The following DMD variants were observed in gnomAD, a reference collection of about 807,000 sequenced individuals.
DMD encodes the protein mutant dystrophin.
Under a neutral mutation model 330.1 loss-of-function variants are expected in DMD, and 63 were observed. That is an observed-to-expected ratio of 0.19 (90% CI 0.16 to 0.24). The LOEUF (loss-of-function observed/expected upper bound fraction) is 0.24, where lower values mean the gene tolerates loss of function less well. DMD is among the 10% of genes least tolerant of loss of function. The pLI is 1.00. For missense variants in DMD, 3,344 were observed against 2,684.1 expected (o/e 1.25, Z -5.43); for synonymous variants, 1,223 against 959.8 (o/e 1.27, Z -5.07).
intron 1 of DMD, among the ~76,000 whole-genome samples, chrX:33,276,157 C>A (rs945860669): frequency 1.8e-5 from 2 of 111,354 alleles, no homozygotes; most frequent in Non-Finnish European, 3.8e-5. Flanking sequence ...TCAAATGGAC[C>A]ACTGCTAGTT....
intron 63 of DMD, among the ~76,000 whole-genome samples, chrX:31,238,459 CA>C (rs2047943717): frequency 9.0e-6 from 1 of 111,685 alleles, no homozygotes; most frequent in South Asian, 3.8e-4. Flanking sequence ...CCTGTAGAGC[CA>C]AAGAGAAAAA....
rs72470529 is a variant in DMD at position 32,823,253 on chromosome X, A to G, written c.357+42T>C. The G allele has an allele frequency of 3.8e-3, 4,108 of 1,077,531 alleles. 8 individuals carry two copies. Among genetic ancestry groups the G allele is most frequent in the Non-Finnish European group, 4.9e-3 (3,781 of 775,179 alleles). The allele number at this position is 1,077,531 out of a possible 1,213,427, so 88.8% of individuals were successfully genotyped here. A position where few individuals can be genotyped will look rare whatever the true frequency, so the allele number is the denominator to read the frequency against. On this transcript the variant is annotated intron_variant, in intron 5 of 78. Transcript: ENST00000357033. ...TCAAGGGTAAAAATTAAAAAACAAG[A>G]TTAATGTTACCCAAAAGGAAACCAT...
intron 7 of DMD, among the ~76,000 whole-genome samples, chrX:32,800,561 A>G (rs1272081712): frequency 9.0e-6 from 1 of 111,473 alleles, no homozygotes; most frequent in African/African-American, 3.3e-5. Context: ...ACTTTAAGAA[A>G]CTTTTTATTA....
intron 7 of DMD, among the ~76,000 whole-genome samples, chrX:32,763,475 T>C (rs1400801126): frequency 8.9e-6 from 1 of 112,022 alleles, no homozygotes; most frequent in Non-Finnish European, 1.9e-5. Flanking sequence ...TGCTTTAGTG[T>C]ATTCATATGT....
At chrX:32,361,412 G>T (rs997664333) in intron 37 of DMD, among the ~76,000 whole-genome samples, 2 of 111,520 alleles carry the variant, frequency 1.8e-5, no homozygotes, top group Non-Finnish European at 3.8e-5. Flanking sequence ...CATATGTAGA[G>T]AATATAGCCT....
chrX:31,165,359 C>T (rs1271042291), intron 74 of DMD, among the ~76,000 whole-genome samples: 4 of 112,300 alleles, frequency 3.6e-5, no homozygotes, highest in South Asian at 3.7e-4. Context: ...AGAGTTCCCT[C>T]GTGTTATATA....
In DMD at chrX:31,967,300, GTGT is replaced by G. The variant is rs2095359237; in HGVS notation, c.6614+1036_6614+1038del. 6.3e-4 allele frequency among the ~76,000 whole-genome samples: 6 copies of G among 9,451 alleles called. No individual in the cohort carries two copies. The South Asian group carries it at 7.3e-3, about 11-fold the overall frequency. 8.2% of individuals were successfully genotyped at this position (9,451 alleles called of 115,157 possible). On this transcript the variant is annotated intron_variant, in intron 45 of 78. Transcript: ENST00000357033. ...TAATTCTTTAACTTTGGCAAGGGGTGTGTGTGTGTGTGTGTGTGTGTGTGTGTG... is the reference window on the plus strand; with the variant it reads ...TAATTCTTTAACTTTGGCAAGGGGTGGTGTGTGTGTGTGTGTGTGTGTGTG...
chrX:31,642,931 T>C, intron 54 of DMD, among the ~76,000 whole-genome samples: 1 of 112,276 alleles, frequency 8.9e-6, no homozygotes, highest in Non-Finnish European at 1.9e-5. Flanking sequence ...TGACTATCTG[T>C]TCGCTTTGCG....
intron 48 of DMD, among the ~76,000 whole-genome samples, chrX:31,845,737 A>G (rs2093416120): frequency 2.7e-5 from 3 of 111,077 alleles, no homozygotes; most frequent in Non-Finnish European, 3.8e-5. Flanking sequence ...CCAAGATTTT[A>G]TAACTTGGGA....
At chrX:32,519,186 C>T (rs751288811) in intron 17 of DMD, among the ~76,000 whole-genome samples, 2 of 100,198 alleles carry the variant, frequency 2.0e-5, no homozygotes, top group East Asian at 3.1e-4. Flanking sequence ...TGTATGAACC[C>T]GGAGGAAATT....
intron 64 of DMD, among the ~76,000 whole-genome samples, chrX:31,217,125 C>G (rs1316569285): frequency 3.8e-5 from 3 of 78,025 alleles, no homozygotes; most frequent in Non-Finnish European, 7.0e-5. Flanking sequence ...GTCATCAGAA[C>G]TACAAAGGGA....
chrX:31,381,780 T>C (rs1453949317), intron 60 of DMD, among the ~76,000 whole-genome samples: 2 of 111,869 alleles, frequency 1.8e-5, no homozygotes, highest in African/African-American at 3.3e-5. Context: ...CTCTTAGAAC[T>C]TCTCATTTCC....
intron 1 of DMD, among the ~76,000 whole-genome samples, chrX:33,158,002 C>A (rs185566289): frequency 9.9e-5 from 11 of 111,564 alleles, no homozygotes; most frequent in Non-Finnish European, 1.9e-4. Context: ...GTAAATCAGG[C>A]AGGATTTTCT....
At chrX:32,079,459 G>T (rs915366822) in intron 44 of DMD, among the ~76,000 whole-genome samples, 29 of 110,888 alleles carry the variant, frequency 2.6e-4, no homozygotes, top group African/African-American at 8.9e-4. Flanking sequence ...GCTGGGCCTG[G>T]TGGTGCATGC....
chrX:32,106,149 T>A, intron 44 of DMD, among the ~76,000 whole-genome samples: 1 of 111,884 alleles, frequency 8.9e-6, no homozygotes, highest in Non-Finnish European at 1.9e-5. Flanking sequence ...TTGGTCTACC[T>A]GGAAAATAAT....
At chrX:33,074,429 T>TTC (rs2094808142) in intron 1 of DMD, among the ~76,000 whole-genome samples, 1 of 106,672 alleles carries the variant, frequency 9.4e-6, no homozygotes, top group African/African-American at 3.5e-5. Context: ...TTTTTTTTTG[T>TTC]CTTTTAGCAT....
chrX:31,937,786 G>A (rs982528117), intron 45 of DMD, among the ~76,000 whole-genome samples: 2 of 112,077 alleles, frequency 1.8e-5, no homozygotes, highest in East Asian at 5.6e-4. Flanking sequence ...CTTGCTTAAT[G>A]CTTATGGGAG....
intron 50 of DMD, among the ~76,000 whole-genome samples, chrX:31,806,421 T>A (rs1311740770): frequency 8.9e-6 from 1 of 112,316 alleles, no homozygotes; most frequent in African/African-American, 3.2e-5. Context: ...TCTTCATTCT[T>A]AAGGGAAATT....
rs144301265 is a variant in DMD at position 31,900,999 on chromosome X, C to T, written c.6913-25626G>A. ...TGCATATGGGGAAAGGTTACGCTAC[C>T]CATGCTCCTCTAGACATTCTGGTAT... On this transcript the variant is annotated intron_variant, in intron 47 of 78. Coordinates refer to ENST00000357033, the MANE Select transcript of DMD (RefSeq NM_004006.3). 9.7e-3 allele frequency among the ~76,000 whole-genome samples: 1,080 copies of T among 111,590 alleles called. 18 individuals carry two copies. Among genetic ancestry groups the T allele is most frequent in the African/African-American group, 0.034 (1,030 of 30,728 alleles).
Sources: gnomAD v4.1 joint callset for allele counts (sites outside exome capture counted in the v4.1 genomes callset) on GRCh38, gnomAD v4.1.1 for gene constraint, MANE v1.5 for transcripts, NCBI Gene and HGNC (gene_info 2026-07-23, HGNC 2026-07-21) for gene names.